RBFOX1: variants seen among roughly 807,000 people sequenced by gnomAD.
RBFOX1 encodes RNA binding fox-1 homolog 1.
A neutral mutation model predicts 57.7 loss-of-function variants in RBFOX1; 8 were observed. The ratio of observed to expected loss-of-function variants is 0.14; its 90% CI spans 0.08 to 0.25. RBFOX1 has a LOEUF of 0.25. RBFOX1 is among the 10% of genes least tolerant of loss of function. The probability of loss-of-function intolerance (pLI) is 1.00; values close to 1 mark genes in which losing one functional copy is unlikely to be tolerated. For synonymous variants in RBFOX1, 326 were observed against 222.4 expected (o/e 1.47, Z -4.15); for missense variants, 611 against 548.5 (o/e 1.11, Z -1.14).
chr16:6,623,757 C>T (rs918472936), intron 2 of RBFOX1, among the ~76,000 whole-genome samples: 1 of 152,064 alleles, frequency 6.6e-6, no homozygotes, highest in African/African-American at 2.4e-5. Context: ...ATCCATGTCC[C>T]TACAAAGGAT....
At chr16:7,058,852 G>T (rs1598373603) in intron 4 of RBFOX1, among the ~76,000 whole-genome samples, 1 of 152,036 alleles carries the variant, frequency 6.6e-6, no homozygotes, top group East Asian at 1.9e-4. Flanking sequence ...AAAATGGGTT[G>T]CTTTAAAGAT....
chr16:5,710,093 G>A (rs2051429291), intron 3 of RBFOX1, among the ~76,000 whole-genome samples: 1 of 151,294 alleles, frequency 6.6e-6, no homozygotes, highest in Admixed American at 6.6e-5. Flanking sequence ...GGCTGGATAA[G>A]ACATCCAGGT....
intron 1 of RBFOX1, among the ~76,000 whole-genome samples, chr16:5,300,460 G>A (rs960469588): frequency 6.6e-6 from 1 of 151,938 alleles, no homozygotes; most frequent in Admixed American, 6.6e-5. Flanking sequence ...CACCACTAAT[G>A]AATTTATTCT....
At chr16:6,643,945 G>T (rs142038873) in intron 2 of RBFOX1, among the ~76,000 whole-genome samples, 4,101 of 152,112 alleles carry the variant, frequency 0.027, 187 homozygotes, top group African/African-American at 0.094. Context: ...GGCCAACATG[G>T]GGAAACCCCA....
chr16:6,806,830 ATATATAT>A (rs2086913248), intron 3 of RBFOX1, among the ~76,000 whole-genome samples: 1 of 76,008 alleles, frequency 1.3e-5, no homozygotes, highest in Admixed American at 1.6e-4. Context: ...ATATATATAT[ATATATAT>A]TTTTTTTTTT....
chr16:6,384,089 G>A (rs942803474), intron 2 of RBFOX1, among the ~76,000 whole-genome samples: 1 of 110,474 alleles, frequency 9.1e-6, no homozygotes, highest in Admixed American at 1.0e-4. Flanking sequence ...CTTCTAAGAT[G>A]TTGCTAAATT....
At chr16:5,472,528 C>G (rs1003630724) in intron 2 of RBFOX1, among the ~76,000 whole-genome samples, 1 of 152,130 alleles carries the variant, frequency 6.6e-6, no homozygotes, top group African/African-American at 2.4e-5. Flanking sequence ...CTTTTTAATG[C>G]TATCCCAGGG....
intron 3 of RBFOX1, among the ~76,000 whole-genome samples, chr16:6,943,895 C>G (rs746107202): frequency 9.2e-5 from 14 of 152,078 alleles, no homozygotes; most frequent in Non-Finnish European, 1.3e-4. Context: ...CATCACTTCC[C>G]TTTTTTCGTC....
chr16:7,685,619 C>T (rs528702730), intron 14 of RBFOX1, among the ~76,000 whole-genome samples: 13 of 152,062 alleles, frequency 8.5e-5, no homozygotes, highest in Admixed American at 5.2e-4. Context: ...TTATCAATAA[C>T]TCGGTTTCAG....
chr16:6,655,400 AAAAGAG>A (rs1439233123), intron 3 of RBFOX1, among the ~76,000 whole-genome samples: 4 of 144,824 alleles, frequency 2.8e-5, no homozygotes, highest in East Asian at 2.0e-4. Flanking sequence ...AAAAAAAAAA[AAAAGAG>A]CTCGCGCTCA....
chr16:7,153,795 G>T (rs971517618), intron 4 of RBFOX1, among the ~76,000 whole-genome samples: 2 of 151,610 alleles, frequency 1.3e-5, no homozygotes, highest in Non-Finnish European at 2.9e-5. Context: ...CTTGTTTTCA[G>T]TTATCATGAG....
intron 4 of RBFOX1, among the ~76,000 whole-genome samples, chr16:7,175,225 G>A (rs148720440): frequency 1.2e-3 from 186 of 151,924 alleles, no homozygotes; most frequent in African/African-American, 4.2e-3. Context: ...ATAGGCCCCA[G>A]TGTGTGTTGT....
chr16:6,883,185 T>G (rs559535150), intron 3 of RBFOX1, among the ~76,000 whole-genome samples: 1 of 152,346 alleles, frequency 6.6e-6, no homozygotes, highest in South Asian at 2.1e-4. Flanking sequence ...TTTAATGTTC[T>G]GAACCTAAGC....
intron 2 of RBFOX1, among the ~76,000 whole-genome samples, chr16:6,587,031 G>A (rs1006132358): frequency 3.3e-5 from 5 of 150,886 alleles, no homozygotes; most frequent in African/African-American, 7.4e-5. Flanking sequence ...TGTGTGTGTT[G>A]AGAACACTTA....
intron 1 of RBFOX1, among the ~76,000 whole-genome samples, chr16:5,413,671 T>A (rs2067084745): frequency 6.6e-6 from 1 of 152,212 alleles, no homozygotes; most frequent in Non-Finnish European, 1.5e-5. Flanking sequence ...TGTCAGGCAT[T>A]GTTATTCTGG....
intron 1 of RBFOX1, among the ~76,000 whole-genome samples, chr16:6,042,430 T>C (rs1190241916): frequency 6.6e-6 from 1 of 152,140 alleles, no homozygotes; most frequent in African/African-American, 2.4e-5. Context: ...TTCTCCGTGA[T>C]TATACTGGAC....
chr16:5,666,310 C>T (rs756288325), intron 3 of RBFOX1, among the ~76,000 whole-genome samples: 2 of 152,200 alleles, frequency 1.3e-5, no homozygotes, highest in Non-Finnish European at 2.9e-5. Flanking sequence ...TTTTCTTCAA[C>T]ATTGGTACTC....
intron 1 of RBFOX1, among the ~76,000 whole-genome samples, chr16:6,284,343 C>T (rs1228723155): frequency 6.6e-6 from 1 of 152,090 alleles, no homozygotes; most frequent in African/African-American, 2.4e-5. Context: ...GTACCTAAAC[C>T]AAATCCCAAT....
intron 1 of RBFOX1, among the ~76,000 whole-genome samples, chr16:6,230,854 C>G (rs1473247446): frequency 6.6e-6 from 1 of 152,136 alleles, no homozygotes; most frequent in East Asian, 1.9e-4. Context: ...ACATAAACTC[C>G]TTGGTGTGGA....
Sources: allele counts gnomAD v4.1 joint callset (sites outside exome capture counted in the v4.1 genomes callset), GRCh38; gene constraint gnomAD v4.1.1; transcripts MANE v1.5; gene names NCBI Gene and HGNC (gene_info 2026-07-23, HGNC 2026-07-21).